The following DPP6 variants were observed in gnomAD, a reference collection of about 807,000 sequenced individuals.
DPP6 encodes dipeptidyl peptidase like 6.
DPP6 carries 69 observed loss-of-function variants against 122.6 expected under a neutral mutation model. That is an observed-to-expected ratio of 0.56 (90% CI 0.46 to 0.69). The LOEUF (loss-of-function observed/expected upper bound fraction) is 0.69, where lower values mean the gene tolerates loss of function less well. Among genes scored for constraint, DPP6 ranks in the 30% least tolerant of loss-of-function variants. The pLI is 0.00. For synonymous variants in DPP6, 418 were observed against 433.1 expected (o/e 0.97, Z 0.43); for missense variants, 928 against 1,116.9 (o/e 0.83, Z 2.41).
At chr7:154,182,921 C>A (rs572830309) in intron 1 of DPP6, among the ~76,000 whole-genome samples, 4 of 152,262 alleles carry the variant, frequency 2.6e-5, no homozygotes, top group African/African-American at 9.6e-5. Flanking sequence ...CTTTCCTGAG[C>A]CCTCCTTTCT....
At chr7:153,791,415 C>T in the DPP6 span, among the ~76,000 whole-genome samples, 1 of 52,046 alleles carries the variant, frequency 1.9e-5, no homozygotes. Flanking sequence ...TTCCTTCCTT[C>T]CTTCCTTTCT....
At chr7:154,656,786 T>TGCTC (rs1837289301) in intron 6 of DPP6, among the ~76,000 whole-genome samples, 1 of 116,908 alleles carries the variant, frequency 8.6e-6, no homozygotes, top group South Asian at 2.8e-4. Context: ...TGGGAGGAGG[T>TGCTC]ACTCATGTGT....
chr7:154,189,067 C>T (rs1363934697), intron 1 of DPP6, among the ~76,000 whole-genome samples: 1 of 152,198 alleles, frequency 6.6e-6, no homozygotes, highest in Non-Finnish European at 1.5e-5. Context: ...GTCTATAGGT[C>T]TCCTTCTTGC....
intron 1 of DPP6, among the ~76,000 whole-genome samples, chr7:154,344,108 C>G (rs1810182736): frequency 1.3e-5 from 2 of 152,132 alleles, no homozygotes; most frequent in African/African-American, 4.8e-5. Flanking sequence ...GGGGCACTGC[C>G]CTGTCTTTGG....
At chr7:154,330,511 C>G (rs1317326645) in intron 1 of DPP6, among the ~76,000 whole-genome samples, 1 of 152,102 alleles carries the variant, frequency 6.6e-6, no homozygotes, top group Admixed American at 6.6e-5. Context: ...CTCTTTGGGG[C>G]GGGCAAGCAT....
chr7:154,180,723 A>G (rs528627950), intron 1 of DPP6, among the ~76,000 whole-genome samples: 1 of 151,984 alleles, frequency 6.6e-6, no homozygotes, highest in East Asian at 1.9e-4. Context: ...TCTTTTTTTA[A>G]AAAAATTCTT....
intron 2 of DPP6, among the ~76,000 whole-genome samples, chr7:154,473,336 C>G (rs549161204): frequency 5.9e-5 from 9 of 152,306 alleles, no homozygotes; most frequent in Admixed American, 3.3e-4. Context: ...GAAGAAAGAA[C>G]TTGGTTTGGT....
intron 1 of DPP6, among the ~76,000 whole-genome samples, chr7:154,077,624 G>A (rs2150522024): frequency 6.6e-6 from 1 of 151,776 alleles, no homozygotes; most frequent in Admixed American, 6.6e-5. Context: ...GAGGTAGAAT[G>A]GCCCTGTTGA....
the DPP6 span, among the ~76,000 whole-genome samples, chr7:153,818,159 A>G: frequency 3.3e-5 from 5 of 151,984 alleles, no homozygotes; most frequent in Admixed American, 3.3e-4. Context: ...ATATATATAT[A>G]TATATTCTCA....
chr7:154,464,031 G>A (rs147171664), intron 2 of DPP6, among the ~76,000 whole-genome samples: 15 of 152,262 alleles, frequency 9.9e-5, no homozygotes, highest in Admixed American at 3.9e-4. Context: ...CAAGACTTGC[G>A]CAGGAATTGC....
the DPP6 span, among the ~76,000 whole-genome samples, chr7:153,840,838 T>C: frequency 3.9e-5 from 6 of 152,230 alleles, no homozygotes; most frequent in Middle Eastern, 3.2e-3. Context: ...CTAGCAATAA[T>C]AGACGTTTCC....
chr7:154,011,308 C>T (rs1798145791), intron 1 of DPP6, among the ~76,000 whole-genome samples: 2 of 152,198 alleles, frequency 1.3e-5, no homozygotes, highest in South Asian at 2.1e-4. Context: ...GCCTCACATT[C>T]CTGATGCTAA....
intron 3 of DPP6, among the ~76,000 whole-genome samples, chr7:154,496,885 T>A (rs1359256812): frequency 1.3e-5 from 2 of 152,214 alleles, no homozygotes; most frequent in Non-Finnish European, 2.9e-5. Context: ...TTGGATATGC[T>A]TTTATTGTTT....
the DPP6 span, among the ~76,000 whole-genome samples, chr7:153,782,728 A>G: frequency 6.6e-6 from 1 of 152,214 alleles, no homozygotes; most frequent in Non-Finnish European, 1.5e-5. Context: ...GGAGCTGTTT[A>G]TGTGTACCAT....
At chr7:154,160,828 A>C (rs1796943101) in intron 1 of DPP6, among the ~76,000 whole-genome samples, 1 of 152,172 alleles carries the variant, frequency 6.6e-6, no homozygotes, top group African/African-American at 2.4e-5. Context: ...TGAAATGACT[A>C]TCCTAATACA....
rs975456885 is a variant in DPP6, at chr7:154,034,905, G to T, written c.51+147171G>T. Among the ~76,000 whole-genome samples the T allele has an allele frequency of 2.7e-5, 4 of 150,754 alleles. No homozygotes were observed. In the East Asian group the frequency reaches 5.8e-4, roughly 22 times the overall value. On this transcript the variant is annotated intron_variant, in intron 1 of 25. Coordinates refer to the DPP6 transcript ENST00000404039. ...TTTGTTTGGCCAGTTTTAGTCATTG[G>T]TTGGATTCAAAATACCCCATCTATT...
chr7:154,661,786 G>T (rs1837687956), intron 6 of DPP6, among the ~76,000 whole-genome samples: 1 of 141,018 alleles, frequency 7.1e-6, no homozygotes, highest in African/African-American at 2.7e-5. Flanking sequence ...ACGCAGTCAT[G>T]GTGAATCACC....
intron 1 of DPP6, among the ~76,000 whole-genome samples, chr7:154,333,577 G>A (rs547890268): frequency 1.4e-4 from 21 of 152,318 alleles, no homozygotes; most frequent in African/African-American, 4.8e-4. Flanking sequence ...AATGAGGAAA[G>A]GTTGGTTAAT....
At chr7:153,861,334 T>C in the DPP6 span, among the ~76,000 whole-genome samples, 88 of 152,330 alleles carry the variant, frequency 5.8e-4, 1 homozygote, top group East Asian at 0.016. Context: ...TCTGCATAGC[T>C]ACACTCTCTA....
Sources: gnomAD v4.1 joint callset for allele counts (sites outside exome capture counted in the v4.1 genomes callset) on GRCh38, gnomAD v4.1.1 for gene constraint, MANE v1.5 for transcripts, NCBI Gene and HGNC (gene_info 2026-07-23, HGNC 2026-07-21) for gene names.